Variants in LY96 observed in about 807,000 individuals in gnomAD.
LY96 encodes myeloid differentiation protein-2.
LY96 carries 18 observed loss-of-function variants against 18.9 expected under a neutral mutation model. That is an observed-to-expected ratio of 0.95 (90% confidence interval 0.66 to 1.41). LY96 has a LOEUF of 1.41. LY96 is among the 40% of genes most tolerant of loss of function. The pLI, the probability that LY96 is intolerant of heterozygous loss-of-function variation, is 0.00. For synonymous variants in LY96, 66 were observed against 62.6 expected (o/e 1.06, Z -0.26); for missense variants, 175 against 182.4 (o/e 0.96, Z 0.23).
intron 3 of LY96, among the ~76,000 whole-genome samples, chr8:74,012,047 G>C (rs1816543920): frequency 6.6e-6 from 1 of 152,144 alleles, no homozygotes; most frequent in Non-Finnish European, 1.5e-5. Context: ...AGTAACAGAT[G>C]TTAGCAAGAA....
rs1291962295 is a variant in LY96 at position 74,002,079 on chromosome 8, CTT to C, written c.113-2715_113-2714del. Among the ~76,000 whole-genome samples, 35 of 24,464 alleles carry C rather than the reference CTT, an allele frequency of 1.4e-3. 7 individuals carry two copies. The highest frequency in any genetic ancestry group is 5.1e-3 in the African/African-American group (23 of 4,486). The allele number at this position is 24,464 out of a possible 152,430, so 16.0% of individuals were successfully genotyped here. On this transcript the variant is annotated intron_variant, in intron 1 of 4. Coordinates refer to ENST00000284818, the MANE Select transcript of LY96 (RefSeq NM_015364.5). Reference sequence around the variant, plus strand: ...CCTTCCTTCCTTCCTTCCTTCCTTTCTTTCTTTCTTTCTTTCTCTCTCTCTCT... The same window carrying C: ...CCTTCCTTCCTTCCTTCCTTCCTTTCTCTTTCTTTCTTTCTCTCTCTCTCT...
At chr8:74,018,210 T>C (rs1471331986) in intron 3 of LY96, among the ~76,000 whole-genome samples, 1 of 150,350 alleles carries the variant, frequency 6.7e-6, no homozygotes, top group Non-Finnish European at 1.5e-5. Context: ...GAGGAAGATC[T>C]ACCAAGCAAA....
At chr8:74,007,832 G>C (rs1027220672) in intron 2 of LY96, among the ~76,000 whole-genome samples, 1 of 151,980 alleles carries the variant, frequency 6.6e-6, no homozygotes, top group East Asian at 1.9e-4. Flanking sequence ...TGATCTCGGC[G>C]CACTGCAGCC....
rs1816342401 is a variant in LY96 at position 74,003,449 on chromosome 8, A to G, written c.113-1347A>G. Among the ~76,000 whole-genome samples the G allele has an allele frequency of 2.0e-5, 3 of 152,236 alleles. No homozygotes were observed. The South Asian group carries it at 6.2e-4, about 31-fold the overall frequency. ...CTCAGGACTATACATGAACATTGCT[A>G]TGCAACCCAGATGTCTGTTATCTAG... On this transcript the variant is annotated intron_variant, in intron 1 of 4. Coordinates refer to ENST00000284818, the MANE Select transcript of LY96 (RefSeq NM_015364.5).
chr8:74,003,713 C>T (rs1816349370), intron 1 of LY96, among the ~76,000 whole-genome samples: 1 of 152,186 alleles, frequency 6.6e-6, no homozygotes, highest in Admixed American at 6.5e-5. Flanking sequence ...GTCTCCAGAG[C>T]ACATTTCTTT....
the LY96 span, among the ~76,000 whole-genome samples, chr8:74,089,829 A>C: frequency 6.6e-6 from 1 of 152,240 alleles, no homozygotes; most frequent in South Asian, 2.1e-4. Context: ...GGCCTCACGA[A>C]TCATGTGCTG....
chr8:74,076,410 G>A, the LY96 span, among the ~76,000 whole-genome samples: 5 of 151,006 alleles, frequency 3.3e-5, no homozygotes, highest in Non-Finnish European at 7.4e-5. Flanking sequence ...TGCGACCTCC[G>A]CCTCCCGGGT....
chr8:74,058,177 GA>G, the LY96 span, among the ~76,000 whole-genome samples: 43 of 144,190 alleles, frequency 3.0e-4, no homozygotes, highest in African/African-American at 6.3e-4. Context: ...TTGTAAGGGT[GA>G]AAAAAAAAAA....
At chr8:74,067,415 G>A in the LY96 span, among the ~76,000 whole-genome samples, 1 of 152,092 alleles carries the variant, frequency 6.6e-6, no homozygotes, top group South Asian at 2.1e-4. Context: ...TGTAAAGATG[G>A]GGTCTCGCTA....
chr8:74,051,185 A>C, the LY96 span, among the ~76,000 whole-genome samples: 1 of 152,214 alleles, frequency 6.6e-6, no homozygotes, highest in African/African-American at 2.4e-5. Context: ...GGAAGCAGTA[A>C]TTCAAAGCAA....
the LY96 span, among the ~76,000 whole-genome samples, chr8:74,082,761 C>T: frequency 1.3e-5 from 2 of 150,944 alleles, no homozygotes; most frequent in East Asian, 1.9e-4. Flanking sequence ...GAGCATGGAC[C>T]GTCATGGCGA....
chr8:74,037,885 C>A, the LY96 span, among the ~76,000 whole-genome samples: 1 of 152,196 alleles, frequency 6.6e-6, no homozygotes, highest in African/African-American at 2.4e-5. Context: ...CCATTCCCTT[C>A]TGAGTTTTCC....
the LY96 span, among the ~76,000 whole-genome samples, chr8:74,052,802 A>G: frequency 3.3e-5 from 5 of 152,206 alleles, no homozygotes; most frequent in African/African-American, 1.2e-4. Context: ...GGGACCAGAT[A>G]GAGTAGGATG....
At chr8:74,004,754 T>G (rs368200488) in intron 1 of LY96, 42 bp from the exon 2 acceptor site, 1 of 1,487,500 alleles carries the variant, frequency 6.7e-7, no homozygotes, top group East Asian at 2.3e-5. Flanking sequence ...TTAATGGAGA[T>G]GATTTGTAGT....
At chr8:74,069,196 A>G in the LY96 span, among the ~76,000 whole-genome samples, 1 of 152,190 alleles carries the variant, frequency 6.6e-6, no homozygotes, top group Non-Finnish European at 1.5e-5. Flanking sequence ...GTCCCCTGAA[A>G]ACCATAAGTT....
chr8:74,027,903 G>A (rs1434944865), intron 4 of LY96, among the ~76,000 whole-genome samples: 1 of 152,148 alleles, frequency 6.6e-6, no homozygotes, highest in Non-Finnish European at 1.5e-5. Context: ...CTTGTCTCCT[G>A]CTAAATCATG....
intron 3 of LY96, among the ~76,000 whole-genome samples, chr8:74,018,825 T>A (rs1816698664): frequency 6.6e-6 from 1 of 152,186 alleles, no homozygotes; most frequent in Non-Finnish European, 1.5e-5. Context: ...AAGTGACTAC[T>A]GGGTACATAA....
At chr8:74,054,671 T>TCTTTCTTTCTTC in the LY96 span, among the ~76,000 whole-genome samples, 3 of 145,742 alleles carry the variant, frequency 2.1e-5, no homozygotes, top group East Asian at 6.1e-4. Flanking sequence ...TTTCTTTCTT[T>TCTTTCTTTCTTC]CTTTTTATTT....
the LY96 span, among the ~76,000 whole-genome samples, chr8:74,083,381 A>AT: frequency 2.0e-5 from 3 of 151,872 alleles, no homozygotes; most frequent in African/African-American, 7.3e-5. Context: ...CACCTGGCTA[A>AT]TTTTTTGTAT....
Sources: gnomAD v4.1 joint callset for allele counts (sites outside exome capture counted in the v4.1 genomes callset) on GRCh38, gnomAD v4.1.1 for gene constraint, MANE v1.5 for transcripts, NCBI Gene and HGNC (gene_info 2026-07-23, HGNC 2026-07-21) for gene names.